Variants in GRIA2 observed in about 807,000 individuals in gnomAD.
The protein encoded by GRIA2 is glutamate receptor 2.
A neutral mutation model predicts 97.3 loss-of-function variants in GRIA2; 14 were observed. The ratio of observed to expected loss-of-function variants is 0.14; its 90% confidence interval spans 0.10 to 0.23. The LOEUF is 0.23. Among genes scored for constraint, GRIA2 ranks in the 10% least tolerant of loss-of-function variants. The pLI, the probability that GRIA2 is intolerant of heterozygous loss-of-function variation, is 1.00. For synonymous variants in GRIA2, 412 were observed against 387.8 expected, an observed-to-expected ratio of 1.06 and a Z score of -0.73; for missense variants, 558 against 1,069.8, an observed-to-expected ratio of 0.52 and a Z score of 6.67.
chr4:157,353,013 G>A (rs922649159), intron 12 of GRIA2, among the ~76,000 whole-genome samples: 1 of 151,970 alleles, frequency 6.6e-6, no homozygotes, highest in East Asian at 1.9e-4. Context: ...AGCCGAGATC[G>A]TGCCACTGCA....
chr4:157,225,475 G>T (rs990055386), intron 2 of GRIA2, among the ~76,000 whole-genome samples: 25 of 151,672 alleles, frequency 1.6e-4, no homozygotes, highest in African/African-American at 5.1e-4. Flanking sequence ...AAGCATAAAA[G>T]CAGAAAAAAA....
At chr4:157,231,633 CTA>C (rs771739045) in intron 2 of GRIA2, among the ~76,000 whole-genome samples, 2 of 152,104 alleles carry the variant, frequency 1.3e-5, no homozygotes, top group Non-Finnish European at 2.9e-5. Context: ...GAATGTACGA[CTA>C]GACTGCATTT....
intron 2 of GRIA2, among the ~76,000 whole-genome samples, chr4:157,297,065 AG>A (rs1733378822): frequency 1.3e-5 from 2 of 152,168 alleles, no homozygotes; most frequent in Non-Finnish European, 2.9e-5. Context: ...TTTAAGCAGG[AG>A]GGTTATATCT....
chr4:157,260,981 T>C (rs1337498025), intron 2 of GRIA2, among the ~76,000 whole-genome samples: 1 of 152,096 alleles, frequency 6.6e-6, no homozygotes, highest in Non-Finnish European at 1.5e-5. Flanking sequence ...TTCTTATTCA[T>C]TGTTGAGGGC....
intron 2 of GRIA2, among the ~76,000 whole-genome samples, chr4:157,288,087 A>C (rs1429243419): frequency 6.6e-6 from 1 of 151,776 alleles, no homozygotes; most frequent in Admixed American, 6.6e-5. Context: ...GTTTGGAAAT[A>C]CTAAAAAACA....
intron 2 of GRIA2, among the ~76,000 whole-genome samples, chr4:157,268,099 G>C (rs981623471): frequency 2.0e-5 from 3 of 151,996 alleles, no homozygotes; most frequent in Admixed American, 2.0e-4. Context: ...CTAAAGAGGT[G>C]GGGCATAGAA....
In GRIA2 at chr4:157,335,730, T is replaced by C; in HGVS notation, c.1326T>C (p.Tyr442=). The C allele has an allele frequency of 6.2e-7, 1 of 1,612,488 alleles. No individual in the cohort carries two copies. Among genetic ancestry groups the C allele is most frequent in the Non-Finnish European group, 8.5e-7 (1 of 1,178,782 alleles). The stretch of plus-strand genomic sequence containing the variant: ...AAATGCTTGAAGGCAATGAGCGCTA[T>C]GAGGGCTACTGTGTTGACCTGGCTG... ...NHEMLEGNER[Y]EGYCVDLAAE... Residue 442 remains tyrosine, a synonymous_variant, in exon 10 of 16, where the codon TAT becomes TAC. Transcript: ENST00000264426.
chr4:157,318,650 TTC>T (rs1734428640), intron 5 of GRIA2, among the ~76,000 whole-genome samples: 1 of 152,176 alleles, frequency 6.6e-6, no homozygotes, highest in East Asian at 1.9e-4. Context: ...CACTAGAAAT[TTC>T]TTTTTTCAAA....
intron 6 of GRIA2, among the ~76,000 whole-genome samples, chr4:157,327,940 A>G (rs1296230677): frequency 1.3e-5 from 2 of 152,032 alleles, no homozygotes; most frequent in Admixed American, 1.3e-4. Context: ...GAGTGTTTTA[A>G]CTGTCCAAAC....
intron 12 of GRIA2, among the ~76,000 whole-genome samples, chr4:157,357,687 A>C (rs547929173): frequency 1.0e-3 from 156 of 152,230 alleles, no homozygotes; most frequent in Non-Finnish European, 1.7e-3. Context: ...CTAACATACC[A>C]GAACTAATGA....
At chr4:157,362,666 A>G (rs1736684642) in intron 14 of GRIA2, 133 bp from the exon 15 acceptor site, 1 of 772,928 alleles carries the variant, frequency 1.3e-6, no homozygotes, top group African/African-American at 1.7e-5. Flanking sequence ...CTAAGAGAAA[A>G]TCCATTGTTT....
At chr4:157,334,199 G>T in intron 9 of GRIA2, 79 bp downstream of exon 9, 2 of 753,522 alleles carry the variant, frequency 2.7e-6, no homozygotes, top group Non-Finnish European at 4.8e-6. Context: ...TTATATTTTA[G>T]GAGAATAATA....
chr4:157,331,384 G>A (rs1735040566), intron 6 of GRIA2, among the ~76,000 whole-genome samples: 1 of 151,778 alleles, frequency 6.6e-6, no homozygotes, highest in Non-Finnish European at 1.5e-5. Flanking sequence ...AGTCAAAAAT[G>A]TTGGCTTTTT....
chr4:157,304,378 G>A (rs1733747731), intron 3 of GRIA2, among the ~76,000 whole-genome samples: 1 of 152,096 alleles, frequency 6.6e-6, no homozygotes, highest in Admixed American at 6.5e-5. Context: ...ATTTTGAATA[G>A]CATGCCAGTC....
chr4:157,297,018 G>A (rs112514976), intron 2 of GRIA2, among the ~76,000 whole-genome samples: 24 of 152,240 alleles, frequency 1.6e-4, no homozygotes, highest in African/African-American at 5.5e-4. Context: ...AATGCTATAC[G>A]TGCTCTTCTC....
chr4:157,347,953 A>G (rs1457653093), intron 12 of GRIA2, among the ~76,000 whole-genome samples: 1 of 152,064 alleles, frequency 6.6e-6, no homozygotes, highest in Non-Finnish European at 1.5e-5. Flanking sequence ...GTGAAAGCCC[A>G]TCACTACTAA....
chr4:157,241,710 A>G (rs1206985509), intron 2 of GRIA2, among the ~76,000 whole-genome samples: 1 of 152,078 alleles, frequency 6.6e-6, no homozygotes, highest in Non-Finnish European at 1.5e-5. Context: ...GAGTGGTTCT[A>G]TCTAAATAAT....
chr4:157,237,971 C>T (rs1730328340), intron 2 of GRIA2, among the ~76,000 whole-genome samples: 1 of 152,002 alleles, frequency 6.6e-6, no homozygotes, highest in Non-Finnish European at 1.5e-5. Flanking sequence ...GAAGTTAATT[C>T]AGTGTAACAA....
rs370184465 is a variant in GRIA2, at chr4:157,333,340, A to G, written c.1142A>G (p.Asn381Ser). 17 of 1,576,250 alleles carry G rather than the reference A, an allele frequency of 1.1e-5. No homozygotes were observed. Among genetic ancestry groups the G allele is most frequent in the Non-Finnish European group, 1.3e-5 (15 of 1,150,510 alleles). The change falls in exon 8 of 16, where the codon AAT becomes AGT. Residue 381 changes from asparagine (N) to serine (S), a missense_variant. Around this residue, in one of 8 missense-constraint regions of GRIA2, gnomAD observed 66 missense variants for 118.7 expected, o/e 0.56. Coordinates refer to ENST00000264426, the MANE Select transcript of GRIA2 (RefSeq NM_001083619.3). The stretch of plus-strand genomic sequence containing the variant: ...ATTAACATCATGGAGCTCAAAACTA[A>G]TGGGCCCCGGAAGGTAAATCCTTAG... Reference protein sequence around the residue: ...YTINIMELKTNGPRKIGYWSE... With the variant: ...YTINIMELKTSGPRKIGYWSE...
Sources: allele counts gnomAD v4.1 joint callset (sites outside exome capture counted in the v4.1 genomes callset), GRCh38; gene constraint gnomAD v4.1.1; regional missense constraint gnomAD v4.1.1; transcripts MANE v1.5; gene names NCBI Gene and HGNC (gene_info 2026-07-23, HGNC 2026-07-21).